The following CALHM5 variants were observed in gnomAD, a reference collection of about 807,000 sequenced individuals.
CALHM5 encodes calcium homeostasis modulator family member 5.
Under a neutral mutation model 20.9 loss-of-function variants are expected in CALHM5, and 17 were observed. The ratio of observed to expected loss-of-function variants is 0.82; its 90% confidence interval spans 0.56 to 1.22. CALHM5 has a LOEUF of 1.22. Ranked by LOEUF, CALHM5 falls within the 50% of genes most tolerant of loss-of-function variation. CALHM5 has a pLI of 0.00. For missense variants in CALHM5, 360 were observed against 364.6 expected, an observed-to-expected ratio of 0.99 and a Z score of 0.10; for synonymous variants, 148 against 140.0, an observed-to-expected ratio of 1.06 and a Z score of -0.40.
In CALHM5 at chr6:116,516,162, G is replaced by A; in HGVS notation, c.*173G>A. On this transcript the variant is annotated 3_prime_UTR_variant, in exon 2 of 2. Transcript: ENST00000368599. ...GCTCTCAAGTGGAACATCAGGATGT[G>A]CTCAAATTGATGCTGAGGGGTGACA... 5 of 808,714 alleles carry A rather than the reference G, an allele frequency of 6.2e-6. No individual in the cohort carries two copies. The highest frequency in any genetic ancestry group is 3.8e-4 in the Middle Eastern group (1 of 2,600). 50.1% of individuals were successfully genotyped at this position (808,714 alleles called of 1,614,324 possible).
Position 116,517,424 on chromosome 6 carries a change from C to T in CALHM5, c.*1435C>T, listed in dbSNP as rs1427906348. On this transcript the variant is annotated 3_prime_UTR_variant, in exon 2 of 2. Transcript: ENST00000368599. ...GTATGTATATATGTACATAAATTCT[C>T]CTTAAATCTCTGAGAAGAATTGTGC... 1.3e-5 allele frequency: 2 copies of T among 152,044 alleles called. No individual in the cohort carries two copies. The highest frequency in any genetic ancestry group is 2.9e-5 in the Non-Finnish European group (2 of 68,000). The allele number at this position is 152,044 out of a possible 1,614,324, so 9.4% of individuals were successfully genotyped here.
At position 116,516,180 on chromosome 6, in the gene CALHM5, G is replaced by A; in HGVS notation, c.*191G>A. The A allele has an allele frequency of 1.6e-6, 1 of 632,378 alleles. No individual in the cohort carries two copies. The highest frequency in any genetic ancestry group is 2.4e-6 in the Non-Finnish European group (1 of 415,978). The allele number at this position is 632,378 out of a possible 1,614,324, so 39.2% of individuals were successfully genotyped here. On this transcript the variant is annotated 3_prime_UTR_variant, in exon 2 of 2. Coordinates refer to ENST00000368599, the MANE Select transcript of CALHM5 (RefSeq NM_153711.5). ...AGGATGTGCTCAAATTGATGCTGAG[G>A]GGTGACAAAGGTGCTCTTGCATTGG...
In CALHM5 at chr6:116,523,343, A is replaced by G. The variant is rs184496463; in HGVS notation, c.*7354A>G. On this transcript the variant is annotated 3_prime_UTR_variant, in exon 2 of 2. Coordinates refer to ENST00000368599, the MANE Select transcript of CALHM5 (RefSeq NM_153711.5). ...GTTTTACATGTTTCTTGTAAACTCT[A>G]TTTGTAGGTGTTTTCTTTGTTCCTG... 1 of 152,236 alleles carries G rather than the reference A, an allele frequency of 6.6e-6. No individual in the cohort carries two copies. The highest frequency in any genetic ancestry group is 2.4e-5 in the African/African-American group (1 of 41,562). 9.4% of individuals were successfully genotyped at this position (152,236 alleles called of 1,614,324 possible). A position where few individuals can be genotyped will look rare whatever the true frequency, so the allele number is the denominator to read the frequency against.
intron 1 of CALHM5, among the ~76,000 whole-genome samples, chr6:116,514,091 G>A (rs1480382130): frequency 6.6e-6 from 1 of 152,024 alleles, no homozygotes; most frequent in East Asian, 1.9e-4. Flanking sequence ...GAGGACATAT[G>A]CAAAATAAGA....
In CALHM5 at chr6:116,516,842, A is replaced by T. The variant is rs1772238800; in HGVS notation, c.*853A>T. ...TAAAAACATTTTAGTGGGCCCTTAC[A>T]AGTATTATGGTCCTTAGGCACAGTG... On this transcript the variant is annotated 3_prime_UTR_variant, in exon 2 of 2. Transcript: ENST00000368599. The T allele has an allele frequency of 6.6e-6, 1 of 151,846 alleles. No individual in the cohort carries two copies. The highest frequency in any genetic ancestry group is 6.6e-5 in the Admixed American group (1 of 15,246). The allele number at this position is 151,846 out of a possible 1,614,324, so 9.4% of individuals were successfully genotyped here. A position where few individuals can be genotyped will look rare whatever the true frequency, so the allele number is the denominator to read the frequency against.
chr6:116,512,085 G>A lies in CALHM5; in HGVS notation c.389G>A (p.Ser130Asn), dbSNP rs1167148881. ...LNGTFYECAM[S>N]GTRSSGLLEL... Reference sequence around the variant, plus strand: ...GGAACTTTCTATGAATGTGCCATGAGCGGGACGAGAAGTTCAGGACTCCTG... The same window carrying A: ...GGAACTTTCTATGAATGTGCCATGAACGGGACGAGAAGTTCAGGACTCCTG... Residue 130 changes from serine to asparagine, a missense_variant, in exon 1 of 2, where the codon AGC becomes AAC. Ser to Asn is a conservative substitution (Grantham distance 46, BLOSUM62 1). Transcript: ENST00000368599. 14 of 1,613,948 alleles carry A rather than the reference G, an allele frequency of 8.7e-6. No homozygotes were observed. The highest frequency in any genetic ancestry group is 1.2e-5 in the Non-Finnish European group (14 of 1,180,012).
Position 116,511,820 on chromosome 6 carries a change from C to T in CALHM5, c.124C>T (p.Pro42Ser), listed in dbSNP as rs1772126138. 2 of 1,613,972 alleles carry T rather than the reference C, an allele frequency of 1.2e-6. No individual in the cohort carries two copies. The highest frequency in any genetic ancestry group is 1.7e-6 in the Non-Finnish European group (2 of 1,179,972). ...RLFSVVAFKCPCSTENMTYGL... is the reference protein window; with the variant it reads ...RLFSVVAFKCSCSTENMTYGL... ...CTTTTCTGTTGTGGCTTTTAAGTGC[C>T]CCTGCAGCACTGAGAATATGACCTA... is the stretch of plus-strand genomic sequence containing the variant. The change falls in exon 1 of 2, where the codon CCC (proline) becomes TCC (serine). Residue 42 changes from proline (P) to serine (S), a missense_variant. By Grantham distance (74) the Pro-to-Ser change is moderately conservative. Transcript: ENST00000368599.
chr6:116,515,591 CT>C lies in CALHM5; in HGVS notation c.541-7del, dbSNP rs745381576. 14 of 1,596,592 alleles carry C rather than the reference CT, an allele frequency of 8.8e-6. No individual in the cohort carries two copies. Among genetic ancestry groups the C allele is most frequent in the Admixed American group, 1.8e-5 (1 of 57,008 alleles). On this transcript the variant is annotated splice_polypyrimidine_tract_variant and splice_region_variant and intron_variant, in intron 1 of 1. Transcript: ENST00000368599. Reference sequence around the variant, plus strand: ...TCACGTGTGTACTCAATATTTCTTTCTTCTTAAGATTCTAGGATGGTGCCTG... The same window carrying C: ...TCACGTGTGTACTCAATATTTCTTTCTCTTAAGATTCTAGGATGGTGCCTG...
chr6:116,512,822 T>C (rs984933745), intron 1 of CALHM5, among the ~76,000 whole-genome samples: 1 of 152,204 alleles, frequency 6.6e-6, no homozygotes, highest in Non-Finnish European at 1.5e-5. Flanking sequence ...AGTTTTTAAA[T>C]AGCCTTCTGT....
Position 116,517,966 on chromosome 6 carries a change from G to C in CALHM5, c.*1977G>C, listed in dbSNP as rs1772260139. 1.3e-5 allele frequency: 2 copies of C among 152,252 alleles called. No homozygotes were observed. The allele number at this position is 152,252 out of a possible 1,614,324, so 9.4% of individuals were successfully genotyped here. A position where few individuals can be genotyped will look rare whatever the true frequency, so the allele number is the denominator to read the frequency against. ...CTGCATTGCTCAATACATGAGGAGT[G>C]GTGAGCCCAAAGGGGCCGTGGAAGC... On this transcript the variant is annotated 3_prime_UTR_variant, in exon 2 of 2. Coordinates refer to ENST00000368599, the MANE Select transcript of CALHM5 (RefSeq NM_153711.5).
rs757117931 is a variant in CALHM5, at chr6:116,511,999, C to T, written c.303C>T (p.Gly101=). Residue 101 remains glycine (G), a synonymous_variant, in exon 1 of 2, where the codon GGC becomes GGT. Transcript: ENST00000368599. Reference sequence around the variant, plus strand: ...GCTGCCGTTTCTTCTACGTCCTCGGCCAGATCACTCTGAGCTCATTGGTGG... The same window carrying T: ...GCTGCCGTTTCTTCTACGTCCTCGGTCAGATCACTCTGAGCTCATTGGTGG... The part of the protein sequence containing the change: ...GHSCRFFYVL[G]QITLSSLVAP... 2.5e-6 allele frequency: 4 copies of T among 1,614,022 alleles called. No homozygotes were observed. In the South Asian group the frequency reaches 3.3e-5, roughly 13 times the overall value.
chr6:116,519,618 G>C lies in CALHM5; in HGVS notation c.*3629G>C, dbSNP rs1319032991. 6.6e-6 allele frequency: 1 copy of C among 152,220 alleles called. No homozygotes were observed. The highest frequency in any genetic ancestry group is 1.5e-5 in the Non-Finnish European group (1 of 68,060). 9.4% of individuals were successfully genotyped at this position (152,220 alleles called of 1,614,324 possible). On this transcript the variant is annotated 3_prime_UTR_variant, in exon 2 of 2. Transcript: ENST00000368599. ...GGTCCTTGGGCTAGAGCCAACCCAA[G>C]CCCAGGCTGACTCCCTTTTAATACT...
chr6:116,513,495 T>C (rs1019095447), intron 1 of CALHM5, among the ~76,000 whole-genome samples: 2 of 152,158 alleles, frequency 1.3e-5, no homozygotes, highest in African/African-American at 4.8e-5. Flanking sequence ...ACACTTATCA[T>C]TGTGTGAGCT....
Position 116,515,941 on chromosome 6 carries a change from GGAT to G in CALHM5, c.888_890del (p.Asp296del). Reference sequence around the variant, plus strand: ...ACAATGGTCTGCAACTTAGCCCTGAGGATGATGAGACGACAATGGTCCTTGTGG... The same window carrying G: ...ACAATGGTCTGCAACTTAGCCCTGAGGATGAGACGACAATGGTCCTTGTGG... On this transcript the variant is annotated inframe_deletion, in exon 2 of 2. Transcript: ENST00000368599. 6.2e-7 allele frequency: 1 copy of G among 1,612,652 alleles called. No individual in the cohort carries two copies. The highest frequency in any genetic ancestry group is 8.5e-7 in the Non-Finnish European group (1 of 1,179,026).
chr6:116,515,607 G>A lies in CALHM5; in HGVS notation c.548G>A (p.Gly183Glu). Reference protein sequence around the residue: ...LSLQAQSQILGWCLICSASFF... With the variant: ...LSLQAQSQILEWCLICSASFF... ...TATTTCTTTCTTCTTAAGATTCTAG[G>A]ATGGTGCCTGATTTGTTCAGCGTCT... is the stretch of plus-strand genomic sequence containing the variant. Residue 183 changes from glycine to glutamate, a missense_variant, in exon 2 of 2, where the codon GGA (glycine) becomes GAA (glutamate). Physicochemically the swap from Gly to Glu is moderately conservative, Grantham distance 98. Transcript: ENST00000368599. 6.2e-7 allele frequency: 1 copy of A among 1,607,774 alleles called. No individual in the cohort carries two copies. Among genetic ancestry groups the A allele is most frequent in the Non-Finnish European group, 8.5e-7 (1 of 1,177,064 alleles).
In CALHM5 at chr6:116,512,208, T is replaced by A; in HGVS notation, c.512T>A (p.Leu171Gln). Residue 171 changes from leucine (L) to glutamine (Q), a missense_variant, in exon 1 of 2, where the codon CTG becomes CAG. Physicochemically the swap from Leu to Gln is moderately radical, Grantham distance 113 (BLOSUM62 -2). Transcript: ENST00000368599. Reference sequence around the variant, plus strand: ...ATGCTACCTACCGTCAATGAAGAACTGAAACTCTCCCTTCAGGCCCAGTCT... The same window carrying A: ...ATGCTACCTACCGTCAATGAAGAACAGAAACTCTCCCTTCAGGCCCAGTCT... ...TSMLPTVNEE[L>Q]KLSLQAQSQI... 1.2e-6 allele frequency: 2 copies of A among 1,604,284 alleles called. No homozygotes were observed. Among genetic ancestry groups the A allele is most frequent in the Non-Finnish European group, 1.7e-6 (2 of 1,178,962 alleles).
chr6:116,513,338 C>G (rs1583269969), intron 1 of CALHM5, among the ~76,000 whole-genome samples: 1 of 152,220 alleles, frequency 6.6e-6, no homozygotes, highest in East Asian at 1.9e-4. Flanking sequence ...ATGCATAAAG[C>G]ACATCTTAGA....
rs1772253976 is a variant in CALHM5, at chr6:116,517,649, T to C, written c.*1660T>C. 1 of 152,180 alleles carries C rather than the reference T, an allele frequency of 6.6e-6. No homozygotes were observed. The highest frequency in any genetic ancestry group is 2.1e-4 in the South Asian group (1 of 4,828). The allele number at this position is 152,180 out of a possible 1,614,324, so 9.4% of individuals were successfully genotyped here. On this transcript the variant is annotated 3_prime_UTR_variant, in exon 2 of 2. Transcript: ENST00000368599. ...AATATGTATTTGGTCTTTCTTCCTATTCCTGGTGCAGAGCTCCTAAAACCT... is the reference window on the plus strand; with the variant it reads ...AATATGTATTTGGTCTTTCTTCCTACTCCTGGTGCAGAGCTCCTAAAACCT...
chr6:116,512,396 T>C, intron 1 of CALHM5, 160 bp downstream of exon 1: 1 of 836,788 alleles, frequency 1.2e-6, no homozygotes, highest in East Asian at 2.7e-5. Context: ...GAAAAGCTTT[T>C]GAAAGGCTGG....
Sources: allele counts gnomAD v4.1 joint callset (sites outside exome capture counted in the v4.1 genomes callset), GRCh38; gene constraint gnomAD v4.1.1; transcripts MANE v1.5; gene names NCBI Gene and HGNC (gene_info 2026-07-23, HGNC 2026-07-21).